Variants in HS3ST4 observed in about 807,000 individuals in gnomAD.
HS3ST4 encodes heparan sulfate-glucosamine 3-sulfotransferase 4, also known as heparan sulfate glucosamine 3-O-sulfotransferase 4.
HS3ST4 carries 17 observed loss-of-function variants against 29.2 expected under a neutral mutation model. The ratio of observed to expected loss-of-function variants is 0.58; its 90% CI spans 0.40 to 0.87. The LOEUF (loss-of-function observed/expected upper bound fraction) is 0.87, where lower values mean the gene tolerates loss of function less well. Among genes scored for constraint, HS3ST4 ranks in the 40% least tolerant of loss-of-function variants. The probability of loss-of-function intolerance (pLI) is 0.00; values close to 1 mark genes in which losing one functional copy is unlikely to be tolerated. For missense variants in HS3ST4, 627 were observed against 634.5 expected, an observed-to-expected ratio of 0.99 and a Z score of 0.13; for synonymous variants, 314 against 285.7, an observed-to-expected ratio of 1.10 and a Z score of -1.00.
intron 1 of HS3ST4, among the ~76,000 whole-genome samples, chr16:25,802,927 A>ATGTG (rs71158967): frequency 7.8e-5 from 8 of 102,018 alleles, no homozygotes; most frequent in East Asian, 3.5e-4. Context: ...TAAGTTATAT[A>ATGTG]TGTGTGTGTG....
At chr16:25,989,153 G>T (rs1969092204) in intron 1 of HS3ST4, among the ~76,000 whole-genome samples, 3 of 152,158 alleles carry the variant, frequency 2.0e-5, no homozygotes, top group Admixed American at 2.0e-4. Flanking sequence ...CTTGAACAGT[G>T]GGCCGCTTTT....
rs113765912 is a variant in HS3ST4, at chr16:26,111,097, C to G, written c.735-24515C>G. 3.2e-3 allele frequency among the ~76,000 whole-genome samples: 490 copies of G among 152,060 alleles called. 6 individuals are homozygous for G. Among genetic ancestry groups the G allele is most frequent in the African/African-American group, 0.011 (473 of 41,456 alleles). ...TTTTATTTTGAGACAGGGTCTTGCT[C>G]TGTCCCCCAGGCTAGAATGCTGTTG... is the stretch of plus-strand genomic sequence containing the variant. On this transcript the variant is annotated intron_variant, in intron 1 of 1. Transcript: ENST00000331351.
intron 1 of HS3ST4, among the ~76,000 whole-genome samples, chr16:25,926,449 G>A (rs1968403733): frequency 6.6e-6 from 1 of 152,214 alleles, no homozygotes; most frequent in Non-Finnish European, 1.5e-5. Context: ...CATGTGGTAG[G>A]CAGACCAGAA....
At chr16:26,073,834 T>A (rs1200077212) in intron 1 of HS3ST4, among the ~76,000 whole-genome samples, 1 of 152,216 alleles carries the variant, frequency 6.6e-6, no homozygotes, top group Non-Finnish European at 1.5e-5. Context: ...GTGTCACTTT[T>A]GGGTGGATGC....
intron 1 of HS3ST4, among the ~76,000 whole-genome samples, chr16:26,047,323 G>A (rs1430652168): frequency 1.3e-5 from 2 of 152,126 alleles, no homozygotes; most frequent in Non-Finnish European, 2.9e-5. Flanking sequence ...TCCCTTCTTT[G>A]GTTAGTGAAA....
chr16:25,822,853 T>C (rs758534172), intron 1 of HS3ST4, among the ~76,000 whole-genome samples: 1 of 152,106 alleles, frequency 6.6e-6, no homozygotes, highest in Non-Finnish European at 1.5e-5. Context: ...TTCTCCTGCC[T>C]CAGCCTCCCA....
At chr16:25,865,546 G>A (rs556942326) in intron 1 of HS3ST4, among the ~76,000 whole-genome samples, 1 of 152,262 alleles carries the variant, frequency 6.6e-6, no homozygotes, top group South Asian at 2.1e-4. Flanking sequence ...AGAGCTAGAG[G>A]CATCACACTA....
At chr16:25,882,591 G>C (rs1967905192) in intron 1 of HS3ST4, among the ~76,000 whole-genome samples, 1 of 152,026 alleles carries the variant, frequency 6.6e-6, no homozygotes, top group Non-Finnish European at 1.5e-5. Context: ...AGTCAAACTG[G>C]TTCCTTTTAG....
intron 1 of HS3ST4, among the ~76,000 whole-genome samples, chr16:26,008,504 A>G (rs935785253): frequency 6.6e-5 from 10 of 152,138 alleles, no homozygotes; most frequent in South Asian, 2.1e-4. Flanking sequence ...AACTTCTCCA[A>G]TGATTTCAAC....
intron 1 of HS3ST4, among the ~76,000 whole-genome samples, chr16:26,113,470 A>ATGGGTG (rs1899161422): frequency 7.6e-6 from 1 of 132,158 alleles, no homozygotes; most frequent in Non-Finnish European, 1.6e-5. Context: ...ACAATATATG[A>ATGGGTG]TGTGTGTGTG....
intron 1 of HS3ST4, among the ~76,000 whole-genome samples, chr16:26,110,525 C>A (rs189872384): frequency 1.3e-5 from 2 of 152,300 alleles, no homozygotes; most frequent in Non-Finnish European, 2.9e-5. Flanking sequence ...GTTACCCTGA[C>A]ATCCCTCTTC....
chr16:26,039,440 T>C (rs1247714638), intron 1 of HS3ST4, among the ~76,000 whole-genome samples: 1 of 152,194 alleles, frequency 6.6e-6, no homozygotes, highest in South Asian at 2.1e-4. Context: ...GTCCATTTTA[T>C]TTTATTTTAT....
intron 1 of HS3ST4, among the ~76,000 whole-genome samples, chr16:25,895,147 G>C (rs1422566015): frequency 6.6e-6 from 1 of 151,942 alleles, no homozygotes; most frequent in Non-Finnish European, 1.5e-5. Flanking sequence ...CAGGATGTGT[G>C]TGTGTGTGTG....
chr16:25,879,567 C>T (rs1248188227), intron 1 of HS3ST4, among the ~76,000 whole-genome samples: 2 of 151,980 alleles, frequency 1.3e-5, no homozygotes, highest in Non-Finnish European at 2.9e-5. Context: ...AAAGACCCAC[C>T]CCCATGATTC....
At chr16:25,802,402 T>C (rs1032381217) in intron 1 of HS3ST4, among the ~76,000 whole-genome samples, 3 of 152,026 alleles carry the variant, frequency 2.0e-5, no homozygotes, top group Non-Finnish European at 2.9e-5. Context: ...TTGGGGTCTG[T>C]TTTCTTTCCT....
intron 1 of HS3ST4, among the ~76,000 whole-genome samples, chr16:25,988,992 A>C (rs1327498586): frequency 6.6e-6 from 1 of 152,240 alleles, no homozygotes; most frequent in Non-Finnish European, 1.5e-5. Flanking sequence ...ACAATTTGCA[A>C]ATCAGGCAGC....
At chr16:26,076,394 A>G (rs1898665737) in intron 1 of HS3ST4, among the ~76,000 whole-genome samples, 1 of 152,210 alleles carries the variant, frequency 6.6e-6, no homozygotes, top group Non-Finnish European at 1.5e-5. Context: ...AGGTATTGGC[A>G]TTAATTGAAG....
intron 1 of HS3ST4, among the ~76,000 whole-genome samples, chr16:26,084,362 GTCTGAAAAGAAATT>G (rs1898759533): frequency 1.3e-5 from 2 of 152,116 alleles, no homozygotes; most frequent in African/African-American, 4.8e-5. Context: ...CACCGTCAGG[GTCTGAAAAGAAATT>G]TCTGAAAAGA....
In HS3ST4 at chr16:25,921,503, A is replaced by G. The variant is rs141371270; in HGVS notation, c.735-214109A>G. 2.5e-4 allele frequency among the ~76,000 whole-genome samples: 38 copies of G among 152,326 alleles called. No individual in the cohort carries two copies. In the East Asian group the frequency reaches 7.1e-3, roughly 29 times the overall value. ...AGTTGACATGAGGCCTTGTCTCATT[A>G]CTAGGAGGGGAGAATGGTGAGGAAA... On this transcript the variant is annotated intron_variant, in intron 1 of 1. Coordinates refer to ENST00000331351, the MANE Select transcript of HS3ST4 (RefSeq NM_006040.3).
Sources: allele counts gnomAD v4.1 joint callset (sites outside exome capture counted in the v4.1 genomes callset), GRCh38; gene constraint gnomAD v4.1.1; transcripts MANE v1.5; gene names NCBI Gene and HGNC (gene_info 2026-07-23, HGNC 2026-07-21).